The following MPPED2 variants were observed in gnomAD, a reference collection of about 807,000 sequenced individuals.
MPPED2 encodes metallophosphoesterase domain containing 2, also known as metallophosphoesterase MPPED2.
In MPPED2, 5 loss-of-function variants were observed where a neutral mutation model predicts 33.0. The ratio of observed to expected loss-of-function variants is 0.15; its 90% CI spans 0.08 to 0.32. The LOEUF is 0.32. Among genes scored for constraint, MPPED2 ranks in the 10% least tolerant of loss-of-function variants. The probability of loss-of-function intolerance (pLI) is 1.00; values close to 1 mark genes in which losing one functional copy is unlikely to be tolerated. For synonymous variants in MPPED2, 136 were observed against 141.9 expected (o/e 0.96, Z 0.29); for missense variants, 275 against 372.1 (o/e 0.74, Z 2.15).
intron 1 of MPPED2, chr11:30,584,373 CACA>C (rs1224613613): frequency 0.02 from 1,401 of 71,676 alleles, 25 homozygotes; most frequent in African/African-American, 0.037. Context: ...CACACACACA[CACA>C]CCACATACAC....
At chr11:30,573,192 G>GA (rs746795930) in intron 2 of MPPED2, among the ~76,000 whole-genome samples, 10 of 152,130 alleles carry the variant, frequency 6.6e-5, no homozygotes, top group Non-Finnish European at 1.5e-4. Flanking sequence ...CAATGGAGTT[G>GA]AAAATTTTCT....
At chr11:30,536,899 C>A (rs1193949123) in intron 2 of MPPED2, among the ~76,000 whole-genome samples, 2 of 152,056 alleles carry the variant, frequency 1.3e-5, no homozygotes, top group African/African-American at 4.8e-5. Flanking sequence ...TGCTCAAATG[C>A]CTTGGGCAAA....
intron 4 of MPPED2, among the ~76,000 whole-genome samples, chr11:30,440,227 G>A (rs1949506878): frequency 6.6e-6 from 1 of 152,072 alleles, no homozygotes. Flanking sequence ...CTACTCAGGA[G>A]GCTCGGGCAG....
At chr11:30,526,347 G>T (rs986974864) in intron 3 of MPPED2, among the ~76,000 whole-genome samples, 1 of 151,898 alleles carries the variant, frequency 6.6e-6, no homozygotes, top group Non-Finnish European at 1.5e-5. Context: ...AAAAAAAATA[G>T]AAAAAAGGAC....
intron 4 of MPPED2, among the ~76,000 whole-genome samples, chr11:30,493,789 C>A (rs374462766): frequency 6.6e-6 from 1 of 152,334 alleles, no homozygotes; most frequent in Admixed American, 6.5e-5. Flanking sequence ...ATATTCTCTT[C>A]AGTCCACTGC....
chr11:30,446,414 A>T (rs1270439982), intron 4 of MPPED2, among the ~76,000 whole-genome samples: 1 of 152,168 alleles, frequency 6.6e-6, no homozygotes, highest in African/African-American at 2.4e-5. Context: ...ATAGAATGGC[A>T]TGTTTCTAAA....
chr11:30,511,759 T>C (rs1953208510), intron 3 of MPPED2, among the ~76,000 whole-genome samples: 1 of 152,182 alleles, frequency 6.6e-6, no homozygotes, highest in South Asian at 2.1e-4. Flanking sequence ...AATTAGACAA[T>C]ATTTTTTAAA....
chr11:30,458,522 T>A (rs1324667938), intron 4 of MPPED2, among the ~76,000 whole-genome samples: 1 of 152,190 alleles, frequency 6.6e-6, no homozygotes, highest in African/African-American at 2.4e-5. Flanking sequence ...AGAACCTGAA[T>A]TAACTGGATT....
At chr11:30,463,112 C>T (rs377583670) in intron 4 of MPPED2, among the ~76,000 whole-genome samples, 313 of 152,316 alleles carry the variant, frequency 2.1e-3, no homozygotes, top group African/African-American at 7.2e-3. Flanking sequence ...TGAGAAATCT[C>T]TACCACCTTG....
At chr11:30,398,596 C>A (rs920724764) in intron 6 of MPPED2, among the ~76,000 whole-genome samples, 11 of 152,190 alleles carry the variant, frequency 7.2e-5, no homozygotes, top group African/African-American at 2.4e-4. Context: ...TTCTTTCCCT[C>A]TCTGGGCTTC....
At chr11:30,419,076 T>G (rs544095436) in intron 4 of MPPED2, among the ~76,000 whole-genome samples, 1 of 152,310 alleles carries the variant, frequency 6.6e-6, no homozygotes, top group South Asian at 2.1e-4. Context: ...CCGGGGTGCT[T>G]GCTTATAATA....
intron 3 of MPPED2, among the ~76,000 whole-genome samples, chr11:30,509,713 C>G (rs575526336): frequency 6.6e-6 from 1 of 152,296 alleles, no homozygotes; most frequent in African/African-American, 2.4e-5. Context: ...AATCAAGGGA[C>G]AGCAGGGTGC....
intron 4 of MPPED2, among the ~76,000 whole-genome samples, chr11:30,440,716 G>A (rs745551838): frequency 1.2e-4 from 18 of 152,266 alleles, no homozygotes; most frequent in Non-Finnish European, 1.5e-4. Flanking sequence ...CTGCTGACAC[G>A]TTCATTTCAC....
intron 4 of MPPED2, among the ~76,000 whole-genome samples, chr11:30,494,757 A>AAAAAAAAAAAAAAAAAAAAAG (rs768924251): frequency 1.7e-5 from 2 of 120,890 alleles, no homozygotes; most frequent in Admixed American, 8.1e-5. Context: ...AAAAAAAAAA[A>AAAAAAAAAAAAAAAAAAAAAG]AAAGAAAGAA....
chr11:30,486,352 T>C (rs185966572), intron 4 of MPPED2, among the ~76,000 whole-genome samples: 181 of 150,622 alleles, frequency 1.2e-3, no homozygotes, highest in African/African-American at 4.3e-3. Flanking sequence ...AGCCTGAATA[T>C]AACTGGTACA....
intron 1 of MPPED2, 122 bp from the exon 2 acceptor site, chr11:30,580,616 C>CCAACA: frequency 1.1e-6 from 1 of 946,598 alleles, no homozygotes; most frequent in Non-Finnish European, 1.5e-6. Flanking sequence ...GTGTTGTTGG[C>CCAACA]TCATGGATAC....
At chr11:30,407,499 C>G (rs978859994), downstream of MPPED2, among the ~76,000 whole-genome samples, 1 of 152,206 alleles carries the variant, frequency 6.6e-6, no homozygotes, top group Non-Finnish European at 1.5e-5. Context: ...AGGCTTGTTA[C>G]GGTTCCTAAG....
intron 4 of MPPED2, among the ~76,000 whole-genome samples, chr11:30,436,143 A>C (rs1216552902): frequency 1.4e-5 from 2 of 144,094 alleles, no homozygotes; most frequent in Non-Finnish European, 3.0e-5. Flanking sequence ...GAATTACTTA[A>C]TTTTCTTTAG....
chr11:30,497,047 G>T (rs1278570595), intron 3 of MPPED2, among the ~76,000 whole-genome samples: 1 of 152,140 alleles, frequency 6.6e-6, no homozygotes, highest in Non-Finnish European at 1.5e-5. Flanking sequence ...AAGCAGCAAT[G>T]GATATCTTTG....
Sources: gnomAD v4.1 joint callset for allele counts (sites outside exome capture counted in the v4.1 genomes callset) on GRCh38, gnomAD v4.1.1 for gene constraint, MANE v1.5 for transcripts, NCBI Gene and HGNC (gene_info 2026-07-23, HGNC 2026-07-21) for gene names.